The following PXDNL variants were observed in gnomAD, a reference collection of about 807,000 sequenced individuals.
PXDNL encodes the protein peroxidasin like, also known as probable oxidoreductase PXDNL.
PXDNL carries 145 observed loss-of-function variants against 150.8 expected under a neutral mutation model. The ratio of observed to expected loss-of-function variants is 0.96; its 90% confidence interval spans 0.84 to 1.10. The LOEUF (loss-of-function observed/expected upper bound fraction) is 1.10. PXDNL is among the 50% of genes least tolerant of loss of function. The pLI is 0.00. For synonymous variants in PXDNL, 757 were observed against 725.7 expected (o/e 1.04, Z -0.69); for missense variants, 2,087 against 1,873.9 (o/e 1.11, Z -2.10).
chr8:51,737,830 C>T (rs1034854761), intron 1 of PXDNL, among the ~76,000 whole-genome samples: 1 of 151,932 alleles, frequency 6.6e-6, no homozygotes, highest in Non-Finnish European at 1.5e-5. Flanking sequence ...TGCTGGCATG[C>T]TTTCTATATG....
chr8:51,781,601 T>C (rs542834030), intron 1 of PXDNL, among the ~76,000 whole-genome samples: 49 of 152,296 alleles, frequency 3.2e-4, no homozygotes, highest in African/African-American at 1.1e-3. Flanking sequence ...TTCCTTTTAG[T>C]GGAAACTCTT....
rs74203855 is a variant in PXDNL, at chr8:51,653,989, T to C, written c.236+700A>G. ...ATAGCACTTACTATACATAGGAATT[T>C]TTTCTATTACAGACATATTACAGTT... On this transcript the variant is annotated intron_variant, in intron 2 of 22. Coordinates refer to ENST00000356297, the MANE Select transcript of PXDNL (RefSeq NM_144651.5). Among the ~76,000 whole-genome samples, 655 of 152,274 alleles carry C rather than the reference T, an allele frequency of 4.3e-3. 43 individuals carry two copies. In the East Asian group the frequency reaches 0.11, roughly 25 times the overall value.
chr8:51,644,351 C>CATATGTATAT (rs1814860279), intron 2 of PXDNL, among the ~76,000 whole-genome samples: 12 of 44,712 alleles, frequency 2.7e-4, no homozygotes, highest in Non-Finnish European at 6.0e-4. Context: ...CACACACACA[C>CATATGTATAT]ACACACACAC....
chr8:51,778,075 G>A (rs904901131), intron 1 of PXDNL, among the ~76,000 whole-genome samples: 6 of 152,076 alleles, frequency 3.9e-5, no homozygotes, highest in African/African-American at 7.2e-5. Flanking sequence ...GGTGGCTCAC[G>A]CCTGTGATCC....
At chr8:51,767,686 C>T (rs1281585578) in intron 1 of PXDNL, among the ~76,000 whole-genome samples, 2 of 152,070 alleles carry the variant, frequency 1.3e-5, no homozygotes, top group Non-Finnish European at 1.5e-5. Flanking sequence ...GCATGGTCTT[C>T]TAGATCCCCT....
At chr8:51,363,882 C>T (rs1806832632) in intron 19 of PXDNL, among the ~76,000 whole-genome samples, 1 of 151,878 alleles carries the variant, frequency 6.6e-6, no homozygotes, top group Non-Finnish European at 1.5e-5. Context: ...GAGAAATAGC[C>T]AGAGATAGGA....
At chr8:51,629,906 A>G (rs1814455766) in intron 2 of PXDNL, among the ~76,000 whole-genome samples, 1 of 152,226 alleles carries the variant, frequency 6.6e-6, no homozygotes, top group Non-Finnish European at 1.5e-5. Flanking sequence ...CAAACTACAA[A>G]TGACATTTTT....
At chr8:51,743,988 G>A (rs1410810777) in intron 1 of PXDNL, among the ~76,000 whole-genome samples, 1 of 106,672 alleles carries the variant, frequency 9.4e-6, no homozygotes, top group African/African-American at 3.2e-5. Context: ...AAGGAAGGAA[G>A]GTGAGAGAGA....
intron 4 of PXDNL, among the ~76,000 whole-genome samples, chr8:51,542,373 C>T (rs78848377): frequency 0.019 from 2,823 of 151,920 alleles, 36 homozygotes; most frequent in African/African-American, 0.034. Context: ...ATGTTCCATA[C>T]AATTCATATG....
chr8:51,324,580 A>G (rs937806194), intron 21 of PXDNL, among the ~76,000 whole-genome samples: 2 of 152,200 alleles, frequency 1.3e-5, no homozygotes, highest in African/African-American at 4.8e-5. Flanking sequence ...ATGTTTTATT[A>G]TAATCCCACA....
intron 12 of PXDNL, among the ~76,000 whole-genome samples, chr8:51,446,142 C>T (rs1202891992): frequency 6.6e-6 from 1 of 152,198 alleles, no homozygotes; most frequent in African/African-American, 2.4e-5. Flanking sequence ...TGTGTTCAGG[C>T]ATCATGAACA....
At chr8:51,435,129 C>G (rs1186641091) in intron 12 of PXDNL, among the ~76,000 whole-genome samples, 1 of 151,978 alleles carries the variant, frequency 6.6e-6, no homozygotes, top group African/African-American at 2.4e-5. Flanking sequence ...ACCATCCTGG[C>G]TAACATGGTG....
chr8:51,591,745 A>C (rs550136683), intron 3 of PXDNL, among the ~76,000 whole-genome samples: 9 of 151,950 alleles, frequency 5.9e-5, no homozygotes, highest in Admixed American at 5.9e-4. Context: ...CAGCCTCCCG[A>C]GTAGCTGGGA....
chr8:51,744,272 G>C (rs1481923854), intron 1 of PXDNL, among the ~76,000 whole-genome samples: 3 of 88,532 alleles, frequency 3.4e-5, no homozygotes, highest in African/African-American at 1.2e-4. Flanking sequence ...GAGAAAGAAA[G>C]GAAGGAAGGA....
At chr8:51,618,054 A>G (rs542544668) in intron 2 of PXDNL, among the ~76,000 whole-genome samples, 48 of 152,354 alleles carry the variant, frequency 3.2e-4, no homozygotes, top group Middle Eastern at 3.4e-3. Flanking sequence ...TCTGACTGCC[A>G]AGTTGCAGCT....
intron 1 of PXDNL, among the ~76,000 whole-genome samples, chr8:51,745,921 G>A (rs1358418168): frequency 1.3e-5 from 2 of 152,022 alleles, no homozygotes; most frequent in Non-Finnish European, 2.9e-5. Flanking sequence ...AGCACGCTCA[G>A]CTAATTTTTG....
At chr8:51,705,843 G>A (rs534332182) in intron 1 of PXDNL, among the ~76,000 whole-genome samples, 5,342 of 142,816 alleles carry the variant, frequency 0.037, 293 homozygotes, top group African/African-American at 0.13. Flanking sequence ...GCGCGCGCGC[G>A]CGCGCGCGCG....
rs1316386348 is a variant in PXDNL, at chr8:51,456,937, C to T, written c.982+561G>A. 2.0e-5 allele frequency among the ~76,000 whole-genome samples: 3 copies of T among 152,196 alleles called. 1 individual carries two copies. The East Asian group carries it at 5.8e-4, about 29-fold the overall frequency. ...TTATTTCTTGAATTATGGCTATCATCTAATAGATGATGGGCTCAGTAAGGT... is the reference window on the plus strand; with the variant it reads ...TTATTTCTTGAATTATGGCTATCATTTAATAGATGATGGGCTCAGTAAGGT... On this transcript the variant is annotated intron_variant, in intron 9 of 22. Transcript: ENST00000356297.
At chr8:51,364,426 T>C (rs1806852055) in intron 19 of PXDNL, among the ~76,000 whole-genome samples, 1 of 152,204 alleles carries the variant, frequency 6.6e-6, no homozygotes, top group Admixed American at 6.5e-5. Flanking sequence ...ACACCATTGA[T>C]GTGGGTAGCT....
Sources: gnomAD v4.1 joint callset for allele counts (sites outside exome capture counted in the v4.1 genomes callset) on GRCh38, gnomAD v4.1.1 for gene constraint, MANE v1.5 for transcripts, NCBI Gene and HGNC (gene_info 2026-07-23, HGNC 2026-07-21) for gene names.